The following LCP2 variants were observed in gnomAD, a reference collection of about 807,000 sequenced individuals.
LCP2 encodes 76 kDa tyrosine phosphoprotein.
In LCP2, 29 loss-of-function variants were observed where a neutral mutation model predicts 74.5. The ratio of observed to expected loss-of-function variants is 0.39; its 90% CI spans 0.29 to 0.53. The LOEUF (loss-of-function observed/expected upper bound fraction) is 0.53, where lower values mean the gene tolerates loss of function less well. Among genes scored for constraint, LCP2 ranks in the 20% least tolerant of loss-of-function variants. LCP2 has a pLI of 0.72. For synonymous variants in LCP2, 228 were observed against 229.5 expected, an observed-to-expected ratio of 0.99 and a Z score of 0.06; for missense variants, 604 against 634.6, an observed-to-expected ratio of 0.95 and a Z score of 0.52.
intron 2 of LCP2, 71 bp downstream of exon 2, chr5:170,293,239 T>C (rs2113218177): frequency 2.7e-6 from 4 of 1,455,738 alleles, no homozygotes; most frequent in South Asian, 1.2e-5. Context: ...GGTAGGCCAG[T>C]TGGCCCTGCA....
intron 3 of LCP2, among the ~76,000 whole-genome samples, chr5:170,280,696 C>G (rs534856638): frequency 5.9e-5 from 9 of 152,278 alleles, no homozygotes; most frequent in African/African-American, 2.2e-4. Context: ...TATAATTATT[C>G]TCATTTTTAC....
Position 170,283,599 on chromosome 5 carries a change from A to G in LCP2, c.188+4371T>C, listed in dbSNP as rs145443483. On this transcript the variant is annotated intron_variant, in intron 3 of 20. Coordinates refer to ENST00000046794, the MANE Select transcript of LCP2 (RefSeq NM_005565.5). ...CATCACTTACATGCCCTGGACAGAGATAAGACACAAATTTACCTTGATGCT... is the reference window on the plus strand; with the variant it reads ...CATCACTTACATGCCCTGGACAGAGGTAAGACACAAATTTACCTTGATGCT... 3.9e-5 allele frequency among the ~76,000 whole-genome samples: 6 copies of G among 152,256 alleles called. No homozygotes were observed. The East Asian group carries it at 7.7e-4, about 20-fold the overall frequency.
At chr5:170,288,166 G>A in intron 2 of LCP2, 150 bp from the exon 3 acceptor site, 3 of 603,294 alleles carry the variant, frequency 5.0e-6, no homozygotes, top group Admixed American at 3.0e-5. Flanking sequence ...CCCTCCCCAA[G>A]TAGGCAGCCT....
At chr5:170,277,074 T>TAA (rs750930541) in intron 3 of LCP2, among the ~76,000 whole-genome samples, 132 of 91,116 alleles carry the variant, frequency 1.4e-3, no homozygotes, top group Middle Eastern at 6.1e-3. Context: ...GACTCCATCT[T>TAA]AAAAAAAAAA....
chr5:170,269,988 G>A (rs1761865963), intron 7 of LCP2, among the ~76,000 whole-genome samples: 1 of 152,202 alleles, frequency 6.6e-6, no homozygotes, highest in Non-Finnish European at 1.5e-5. Context: ...GGATTAAATG[G>A]TATTCGTTTT....
intron 10 of LCP2, among the ~76,000 whole-genome samples, chr5:170,263,563 T>G (rs187115829): frequency 1.3e-5 from 2 of 152,346 alleles, no homozygotes; most frequent in East Asian, 1.9e-4. Context: ...TAGTTAGTAT[T>G]GTTTGTTTTG....
At chr5:170,270,015 C>CA (rs1761867440) in intron 7 of LCP2, among the ~76,000 whole-genome samples, 1 of 152,204 alleles carries the variant, frequency 6.6e-6, no homozygotes, top group African/African-American at 2.4e-5. Flanking sequence ...TACTGACCTT[C>CA]AATTTTCAGC....
intron 10 of LCP2, among the ~76,000 whole-genome samples, 167 bp downstream of exon 10, chr5:170,266,641 C>A (rs771460509): frequency 6.6e-6 from 1 of 152,222 alleles, no homozygotes; most frequent in Admixed American, 6.5e-5. Flanking sequence ...GAAGGTACCT[C>A]TTTGTGTCTC....
chr5:170,270,563 C>T (rs1761877982), intron 7 of LCP2, 156 bp downstream of exon 7: 1 of 600,036 alleles, frequency 1.7e-6, no homozygotes, highest in Admixed American at 3.7e-5. Flanking sequence ...GACAGAGTTA[C>T]TTGTACAAAG....
chr5:170,258,076 G>C lies in LCP2; in HGVS notation c.1061C>G (p.Pro354Arg), dbSNP rs749245919. The C allele has an allele frequency of 6.2e-7, 1 of 1,613,932 alleles. No homozygotes were observed. The highest frequency in any genetic ancestry group is 2.2e-5 in the East Asian group (1 of 44,882). Residue 354 changes from proline to arginine, a missense_variant, in exon 16 of 21, where the codon CCT (proline) becomes CGT (arginine). Physicochemically the swap from Pro to Arg is moderately radical, Grantham distance 103. Coordinates refer to ENST00000046794, the MANE Select transcript of LCP2 (RefSeq NM_005565.5). ...TCCAGGCATGTGAGAGGATGGGAGA[G>C]GGTTCATGGGACTTGGCTTAGTAGA... The part of the protein sequence containing the change: ...SRSTKPSPMN[P>R]LPSSHMPGAF...
chr5:170,267,179 C>G, intron 8 of LCP2, 104 bp from the exon 9 acceptor site: 1 of 1,153,216 alleles, frequency 8.7e-7, no homozygotes, highest in Non-Finnish European at 1.3e-6. Flanking sequence ...TCTTCATGTT[C>G]TGCCTACAAA....
intron 2 of LCP2, among the ~76,000 whole-genome samples, chr5:170,292,217 C>T (rs576210491): frequency 1.3e-5 from 2 of 152,176 alleles, no homozygotes; most frequent in East Asian, 1.9e-4. Context: ...AACGAATAGG[C>T]GAATGAATGA....
chr5:170,261,011 T>C (rs1761639454), intron 14 of LCP2, 96 bp downstream of exon 14: 2 of 908,084 alleles, frequency 2.2e-6, no homozygotes, highest in South Asian at 1.4e-5. Context: ...CTCCAGGTTC[T>C]GGGCCAAGGC....
Position 170,262,973 on chromosome 5 carries a change from A to G in LCP2, c.792T>C (p.Ser264=), listed in dbSNP as rs1761687258. 6.2e-7 allele frequency: 1 copy of G among 1,614,036 alleles called. No individual in the cohort carries two copies. Among genetic ancestry groups the G allele is most frequent in the Non-Finnish European group, 8.5e-7 (1 of 1,179,886 alleles). ...PFTLGKKPPF[S]DKPSIPAGRS... is the part of the protein sequence containing the mutation. ...AAACAAGTTCACAGCTTACCTTGTCAGAAAATGGTGGTTTCTTTCCTGTAA... is the reference window on the plus strand; with the variant it reads ...AAACAAGTTCACAGCTTACCTTGTCGGAAAATGGTGGTTTCTTTCCTGTAA... The change falls in exon 11 of 21, where the codon TCT becomes TCC. Residue 264 remains serine, a synonymous_variant. Coordinates refer to ENST00000046794, the MANE Select transcript of LCP2 (RefSeq NM_005565.5).
rs1761676045 is a variant in LCP2, at chr5:170,262,639, G to C, written c.922C>G (p.Pro308Ala). The C allele has an allele frequency of 6.2e-7, 1 of 1,609,718 alleles. No individual in the cohort carries two copies. Among genetic ancestry groups the C allele is most frequent in the South Asian group, 1.1e-5 (1 of 90,738 alleles). The change falls in exon 13 of 21, where the codon CCA (proline) becomes GCA (alanine). Residue 308 changes from proline (P) to alanine (A), a missense_variant. Physicochemically the swap from Pro to Ala is conservative, Grantham distance 27 (BLOSUM62 -1). Coordinates refer to ENST00000046794, the MANE Select transcript of LCP2 (RefSeq NM_005565.5). Reference protein sequence around the residue: ...SPLPGKKPPVPKHGWGPDRRE... With the variant: ...SPLPGKKPPVAKHGWGPDRRE... ...CAAGCAACACCAGACAATTACTTTG[G>C]CACAGGTGGCTTCTTCCCTGGCAGG...
chr5:170,267,948 G>A (rs1239661530), intron 8 of LCP2, among the ~76,000 whole-genome samples: 1 of 152,108 alleles, frequency 6.6e-6, no homozygotes, highest in Admixed American at 6.5e-5. Context: ...AGATTCACAA[G>A]GACCGGGCTG....
Position 170,258,296 on chromosome 5 carries a change from A to T in LCP2, c.971-130T>A. 2.2e-6 allele frequency: 2 copies of T among 917,858 alleles called. 1 individual carries two copies. Among genetic ancestry groups the T allele is most frequent in the South Asian group, 3.3e-5 (2 of 59,764 alleles). The allele number at this position is 917,858 out of a possible 1,614,324, so 56.9% of individuals were successfully genotyped here. A position where few individuals can be genotyped will look rare whatever the true frequency, so the allele number is the denominator to read the frequency against. On this transcript the variant is annotated intron_variant, in intron 15 of 20. Transcript: ENST00000046794. Reference sequence around the variant, plus strand: ...CACAAAAATAAAGCAGATCAGATGTAATTAGGAAGTAGTAGGATGGAACCT... The same window carrying T: ...CACAAAAATAAAGCAGATCAGATGTTATTAGGAAGTAGTAGGATGGAACCT...
chr5:170,259,025 G>A (rs1427381062), intron 14 of LCP2, 147 bp from the exon 15 acceptor site: 4 of 610,480 alleles, frequency 6.6e-6, no homozygotes, highest in East Asian at 2.8e-5. Context: ...ATATACTGTG[G>A]AGAATAATAG....
chr5:170,275,499 T>C, intron 4 of LCP2, 148 bp from the exon 5 acceptor site: 1 of 871,414 alleles, frequency 1.1e-6, no homozygotes, highest in Admixed American at 2.3e-5. Flanking sequence ...GCTCAGCAAC[T>C]GGGGCTAGGA....
Sources: gnomAD v4.1 joint callset for allele counts (sites outside exome capture counted in the v4.1 genomes callset) on GRCh38, gnomAD v4.1.1 for gene constraint, MANE v1.5 for transcripts, NCBI Gene and HGNC (gene_info 2026-07-23, HGNC 2026-07-21) for gene names.